The following MAST3 variants were observed in gnomAD, a reference collection of about 807,000 sequenced individuals.
MAST3 encodes the protein microtubule associated serine/threonine kinase 3.
A neutral mutation model predicts 127.0 loss-of-function variants in MAST3; 43 were observed. The ratio of observed to expected loss-of-function variants is 0.34; its 90% CI spans 0.27 to 0.44. MAST3 has a LOEUF of 0.44. MAST3 is among the 20% of genes least tolerant of loss of function. The pLI is 1.00. For missense variants in MAST3, 1,390 were observed against 1,919.1 expected, an observed-to-expected ratio of 0.72 and a Z score of 5.15; for synonymous variants, 785 against 809.2, an observed-to-expected ratio of 0.97 and a Z score of 0.51.
chr19:18,123,861 A>G, intron 8 of MAST3, 78 bp from the exon 9 acceptor site: 2 of 1,350,630 alleles, frequency 1.5e-6, no homozygotes, highest in East Asian at 5.0e-5. Flanking sequence ...CTCCCCAACC[A>G]TGCCTCTCCT....
intron 1 of MAST3, among the ~76,000 whole-genome samples, chr19:18,101,873 C>T (rs904787132): frequency 3.5e-5 from 5 of 144,078 alleles, no homozygotes; most frequent in East Asian, 4.1e-4. Context: ...GCCAGAATGG[C>T]CTCAAACTCT....
At chr19:18,119,969 C>T (rs1194045158) in intron 3 of MAST3, among the ~76,000 whole-genome samples, 8 of 152,200 alleles carry the variant, frequency 5.3e-5, no homozygotes, top group South Asian at 2.1e-4. Context: ...TGGGCTGATG[C>T]TCTTGTGGAG....
rs558725284 is a variant in MAST3, at chr19:18,147,483, G to A, written c.3367G>A (p.Val1123Met). ...LFKKISKQTS[V>M]LHTSRSFSSG... ...CAAGAAGATCTCCAAGCAGACCTCC[G>A]TGCTGCACACCAGCCGCAGCTTCTC... Residue 1123 changes from valine (V) to methionine (M), a missense_variant, in exon 27 of 28, where the codon GTG becomes ATG. By Grantham distance (21) the Val-to-Met change is conservative. Coordinates refer to ENST00000687212, the MANE Select transcript of MAST3 (RefSeq NM_001393504.1). 63 of 1,613,126 alleles carry A rather than the reference G, an allele frequency of 3.9e-5. No homozygotes were observed. The highest frequency in any genetic ancestry group is 5.3e-5 in the African/African-American group (4 of 74,920).
intron 14 of MAST3, 51 bp from the exon 15 acceptor site, chr19:18,131,858 C>G: frequency 2.0e-6 from 3 of 1,494,088 alleles, no homozygotes; most frequent in Non-Finnish European, 2.7e-6. Flanking sequence ...AAGGGGCGGG[C>G]GGGGGGCGGG....
chr19:18,134,931 G>A lies in MAST3; in HGVS notation c.1819G>A (p.Val607Met), dbSNP rs752460522. ...CCTCTATGAGTTTCTGGTGGGCTGCGTGCCTTTCTTTGGAGATACCCCCGA... is the reference window on the plus strand; with the variant it reads ...CCTCTATGAGTTTCTGGTGGGCTGCATGCCTTTCTTTGGAGATACCCCCGA... ...VVLYEFLVGC[V>M]PFFGDTPEEL... Residue 607 changes from valine (V) to methionine (M), a missense_variant, in exon 17 of 28, where the codon GTG (valine) becomes ATG (methionine). Physicochemically the swap from Val to Met is conservative, Grantham distance 21 (BLOSUM62 1). Around this residue, in one of 5 missense-constraint regions of MAST3, gnomAD observed 191 missense variants for 409.0 expected, o/e 0.47. Coordinates refer to ENST00000687212, the MANE Select transcript of MAST3 (RefSeq NM_001393504.1). The A allele has an allele frequency of 8.7e-6, 14 of 1,613,906 alleles. No homozygotes were observed. The highest frequency in any genetic ancestry group is 1.1e-5 in the South Asian group (1 of 91,082).
At chr19:18,106,641 G>A (rs1229635622) in intron 1 of MAST3, among the ~76,000 whole-genome samples, 1 of 148,344 alleles carries the variant, frequency 6.7e-6, no homozygotes, top group Non-Finnish European at 1.5e-5. Flanking sequence ...GTGTGACCTC[G>A]GCTCACTGCA....
intron 15 of MAST3, among the ~76,000 whole-genome samples, chr19:18,132,894 G>A (rs1239003878): frequency 1.3e-5 from 2 of 152,206 alleles, no homozygotes; most frequent in African/African-American, 4.8e-5. Flanking sequence ...CCTGAGGTCA[G>A]GAGTTCAAGC....
chr19:18,134,094 C>G (rs957728796), intron 15 of MAST3, among the ~76,000 whole-genome samples: 1 of 152,058 alleles, frequency 6.6e-6, no homozygotes, highest in Non-Finnish European at 1.5e-5. Flanking sequence ...TTTGCTCCAG[C>G]TCTGTAAAGA....
At position 18,147,641 on chromosome 19, in the gene MAST3, C is replaced by T. The variant is rs781674629; in HGVS notation, c.3508+17C>T. On this transcript the variant is annotated intron_variant, in intron 27 of 27. Coordinates refer to ENST00000687212, the MANE Select transcript of MAST3 (RefSeq NM_001393504.1). ...TCCCAGCAGGTGGGTGCACCCCGAC[C>T]CCCCACCACCCCGGCTACCCTGGGA... The T allele has an allele frequency of 4.7e-6, 7 of 1,501,314 alleles. No individual in the cohort carries two copies. Among genetic ancestry groups the T allele is most frequent in the Non-Finnish European group, 6.3e-6 (7 of 1,117,208 alleles). 93.0% of individuals were successfully genotyped at this position (1,501,314 alleles called of 1,614,324 possible).
Position 18,149,847 on chromosome 19 carries a change from C to A in MAST3, c.*121C>A, listed in dbSNP as rs1340352373. 10 of 1,403,938 alleles carry A rather than the reference C, an allele frequency of 7.1e-6. No homozygotes were observed. The African/African-American group carries it at 1.4e-4, about 20-fold the overall frequency. The allele number at this position is 1,403,938 out of a possible 1,614,324, so 87.0% of individuals were successfully genotyped here. ...GCCTGACACCCAGAAGGCGAGAAGC[C>A]ATCTCGGTCCTTGCTGGAAGGTGGA... On this transcript the variant is annotated 3_prime_UTR_variant, in exon 28 of 28. Transcript: ENST00000687212. This position sits in a 1 kb window ranked among gnomAD's most constrained non-coding sequence, Gnocchi z 5.9.
intron 3 of MAST3, among the ~76,000 whole-genome samples, chr19:18,116,738 C>T (rs2039308074): frequency 2.3e-5 from 1 of 43,276 alleles, no homozygotes; most frequent in African/African-American, 8.5e-5. Flanking sequence ...GGTGAAACTC[C>T]GTCTCTACTA....
intron 3 of MAST3, among the ~76,000 whole-genome samples, chr19:18,116,088 A>ATATTTTTTTTTTTTTTTTTTTT: frequency 2.4e-5 from 1 of 41,410 alleles, no homozygotes; most frequent in African/African-American, 1.3e-4. Flanking sequence ...ATTTGAAATT[A>ATATTTTTTTTTTTTTTTTTTTT]TCTTTTTTTT....
intron 14 of MAST3, 101 bp from the exon 15 acceptor site, chr19:18,131,808 A>G: frequency 7.5e-7 from 1 of 1,331,412 alleles, no homozygotes; most frequent in Non-Finnish European, 1.0e-6. Flanking sequence ...CTTTTGCAGG[A>G]GGTAAAGCGA....
chr19:18,118,798 G>A (rs2039608958), intron 3 of MAST3, among the ~76,000 whole-genome samples: 1 of 152,120 alleles, frequency 6.6e-6, no homozygotes, highest in South Asian at 2.1e-4. Context: ...TTCAAATTTC[G>A]ACTCAGCCAC....
rs895371848 is a variant in MAST3, at chr19:18,110,451, G to T, written c.72-201G>T. The T allele has an allele frequency of 1.2e-5, 12 of 977,620 alleles. No homozygotes were observed. The African/African-American group carries it at 1.6e-4, about 13-fold the overall frequency. 60.6% of individuals were successfully genotyped at this position (977,620 alleles called of 1,614,324 possible). On this transcript the variant is annotated intron_variant, in intron 2 of 27. Transcript: ENST00000687212. This position sits in a 1 kb window ranked among gnomAD's most constrained non-coding sequence, Gnocchi z 4.3. ...CTCCCCCCACGTCTCTGTTCGTGTC[G>T]CCCAGAAACGCACCGCCGCCTCCGG...
chr19:18,139,240 T>G (rs1488551820), intron 20 of MAST3, 116 bp downstream of exon 20: 2 of 738,458 alleles, frequency 2.7e-6, no homozygotes, highest in Non-Finnish European at 4.6e-6. Context: ...GAGGTCTTGC[T>G]ATGCTGCCCA....
chr19:18,142,112 A>G (rs2042554774), intron 21 of MAST3, 97 bp downstream of exon 21: 1 of 1,264,110 alleles, frequency 7.9e-7, no homozygotes, highest in Non-Finnish European at 1.0e-6. Context: ...CTAGTGGCCA[A>G]GTAGAAAAGG....
Position 18,134,827 on chromosome 19 carries a change from C to A in MAST3, c.1715C>A (p.Thr572Lys). The A allele has an allele frequency of 6.2e-7, 1 of 1,613,974 alleles. No individual in the cohort carries two copies. Among genetic ancestry groups the A allele is most frequent in the Non-Finnish European group, 8.5e-7 (1 of 1,179,896 alleles). ...TTCTCCCTGGCCCAGGTGTGTGGGA[C>A]GCCGGAGTACATAGCCCCCGAGGTG... ...REFIDKQVCGTPEYIAPEVIF... is the reference protein window; with the variant it reads ...REFIDKQVCGKPEYIAPEVIF... Residue 572 changes from threonine (T) to lysine (K), a missense_variant, in exon 17 of 28, where the codon ACG becomes AAG. Around this residue, in one of 5 missense-constraint regions of MAST3, gnomAD observed 191 missense variants for 409.0 expected, o/e 0.47. Coordinates refer to ENST00000687212, the MANE Select transcript of MAST3 (RefSeq NM_001393504.1).
At position 18,121,819 on chromosome 19, in the gene MAST3, C is replaced by T. The variant is rs373145057; in HGVS notation, c.251-34C>T. The T allele has an allele frequency of 2.7e-5, 43 of 1,613,878 alleles. No homozygotes were observed. The Admixed American group carries it at 4.0e-4, about 15-fold the overall frequency. On this transcript the variant is annotated intron_variant, in intron 4 of 27. Coordinates refer to ENST00000687212, the MANE Select transcript of MAST3 (RefSeq NM_001393504.1). ...CGGGTGCTGTGTCCTGCCTCTGCCC[C>T]GCTGACTCAGTTTCCCCGCCTCCTC...
Sources: gnomAD v4.1 joint callset for allele counts (sites outside exome capture counted in the v4.1 genomes callset) on GRCh38, gnomAD v4.1.1 for gene constraint, gnomAD v4.1.1 regional missense constraint, Gnocchi (gnomAD v3.1) non-coding constraint, MANE v1.5 for transcripts, NCBI Gene and HGNC (gene_info 2026-07-23, HGNC 2026-07-21) for gene names.